Variants in NTF4 observed in about 807,000 individuals in gnomAD.
NTF4 encodes neurotrophin 4.
In NTF4, 2 loss-of-function variants were observed where a neutral mutation model predicts 4.4. The observed-to-expected ratio is 0.46, with a 90% confidence interval of 0.19 to 1.44. The LOEUF is 1.44. Among genes scored for constraint, NTF4 ranks in the 40% most tolerant of loss-of-function variants. The probability of loss-of-function intolerance (pLI) is 0.26; values close to 1 mark genes in which losing one functional copy is unlikely to be tolerated. For missense variants in NTF4, 260 were observed against 293.0 expected (o/e 0.89, Z 0.82); for synonymous variants, 127 against 122.0 (o/e 1.04, Z -0.27).
chr19:49,064,876 C>A (rs1430574397), upstream of NTF4: 1 of 152,294 alleles, frequency 6.6e-6, no homozygotes, highest in African/African-American at 2.4e-5. Context: ...GTCGGCCCCG[C>A]CCCCGTCCCT....
chr19:49,059,041 AAAG>A (rs1476672149), downstream of NTF4, among the ~76,000 whole-genome samples: 2 of 152,070 alleles, frequency 1.3e-5, no homozygotes, highest in African/African-American at 2.4e-5. Flanking sequence ...AGAGACACAG[AAAG>A]AAGGACAGAG....
At chr19:49,060,139 G>A (rs2040115801), downstream of NTF4, among the ~76,000 whole-genome samples, 1 of 141,978 alleles carries the variant, frequency 7.0e-6, no homozygotes, top group African/African-American at 2.6e-5. Context: ...TGCAGACAAG[G>A]AAAACTGAGG....
At chr19:49,060,758 T>C (rs1263085597), downstream of NTF4, 1 of 156,140 alleles carries the variant, frequency 6.4e-6, no homozygotes, top group Non-Finnish European at 1.4e-5. Context: ...AGCATCCTGA[T>C]CACTTCTCAT....
upstream of NTF4, among the ~76,000 whole-genome samples, chr19:49,063,088 T>C (rs1042313449): frequency 1.3e-5 from 2 of 150,172 alleles, no homozygotes; most frequent in African/African-American, 4.9e-5. Flanking sequence ...CTCACTGCAA[T>C]GTCTGCCTCC....
chr19:49,058,703 A>G (rs1214274535), downstream of NTF4: 3 of 222,852 alleles, frequency 1.3e-5, no homozygotes, highest in Non-Finnish European at 2.6e-5. Flanking sequence ...GGATTCAGGC[A>G]TCTCGGTTGC....
downstream of NTF4, chr19:49,058,558 C>G: frequency 2.0e-6 from 1 of 491,096 alleles, no homozygotes; most frequent in South Asian, 3.7e-5. Context: ...TTTCTCAGCC[C>G]CCATCTTTCT....
chr19:49,061,596 C>T lies in NTF4; in HGVS notation c.402G>A (p.Gln134=). 3 of 1,614,042 alleles carry T rather than the reference C, an allele frequency of 1.9e-6. No individual in the cohort carries two copies. The highest frequency in any genetic ancestry group is 1.3e-5 in the African/African-American group (1 of 75,076). ...CCTTGCAGCGGGTTTCAAAGAAGTA[C>T]TGGCGGAGGGGACTGCCGCCAGCTG... Residue 134 remains glutamine, a synonymous_variant, in exon 1 of 1, where the codon CAG becomes CAA. Coordinates refer to ENST00000593537, the Ensembl canonical transcript of NTF4. The surrounding 1 kb of genome is among the most constrained non-coding windows in gnomAD (Gnocchi z 4.9).
Position 49,061,453 on chromosome 19 carries a change from G to A in NTF4, c.545C>T (p.Ala182Val), listed in dbSNP as rs746418406. The A allele has an allele frequency of 2.5e-6, 4 of 1,614,084 alleles. No individual in the cohort carries two copies. The East Asian group carries it at 8.9e-5, about 36-fold the overall frequency. ...CCAGCCCACACGGCCCTGGGCATCA[G>A]CGGTCAATGCCCGCACATAGGACTG... Residue 182 changes from alanine to valine, a missense_variant, in exon 1 of 1, where the codon GCT becomes GTT. Coordinates refer to ENST00000593537, the Ensembl canonical transcript of NTF4. The surrounding 1 kb of genome is among the most constrained non-coding windows in gnomAD (Gnocchi z 4.9).
chr19:49,063,714 G>A (rs2040181300), upstream of NTF4: 1 of 152,220 alleles, frequency 6.6e-6, no homozygotes, highest in African/African-American at 2.4e-5. Flanking sequence ...GGAGAAGACT[G>A]GGAAACAGTC....
At chr19:49,062,444 C>T (rs1197454831), upstream of NTF4, among the ~76,000 whole-genome samples, 1 of 151,360 alleles carries the variant, frequency 6.6e-6, no homozygotes, top group African/African-American at 2.4e-5. Context: ...GCAGAGAGTG[C>T]ACCACTCCCC....
downstream of NTF4, among the ~76,000 whole-genome samples, chr19:49,060,036 C>CAAAAACAAAAA (rs2040113801): frequency 3.5e-5 from 1 of 28,418 alleles, no homozygotes; most frequent in African/African-American, 1.7e-4. Flanking sequence ...GACTCCATCT[C>CAAAAACAAAAA]AAAAAAAAAA....
In NTF4 at chr19:49,061,970, GGAGGGAGCATGAGGGGA is replaced by G; in HGVS notation, c.11_27del (p.Leu4ProfsTer14). On this transcript the variant is annotated frameshift_variant, in exon 1 of 1. Coordinates refer to ENST00000593537, the Ensembl canonical transcript of NTF4. LOFTEE classifies it low-confidence loss of function (END_TRUNC). The surrounding 1 kb of genome is among the most constrained non-coding windows in gnomAD (Gnocchi z 4.9). The stretch of plus-strand genomic sequence containing the variant: ...GGGAGGAGGAAAAGGAGGAGGATGG[GGAGGGAGCATGAGGGGA>G]GAGGGAGCATCTCTCGGAGCACCTG... The G allele has an allele frequency of 6.7e-7, 1 of 1,493,130 alleles. No individual in the cohort carries two copies. The highest frequency in any genetic ancestry group is 1.4e-5 in the African/African-American group (1 of 72,022). 92.5% of individuals were successfully genotyped at this position (1,493,130 alleles called of 1,614,324 possible). A position where few individuals can be genotyped will look rare whatever the true frequency, so the allele number is the denominator to read the frequency against.
At chr19:49,062,199 T>C (rs2040160607), upstream of NTF4, among the ~76,000 whole-genome samples, 1 of 152,118 alleles carries the variant, frequency 6.6e-6, no homozygotes, top group Admixed American at 6.5e-5. Context: ...AATATTCAAC[T>C]ACTACAGGCC....
upstream of NTF4, among the ~76,000 whole-genome samples, chr19:49,063,316 A>ATTT (rs1205338872): frequency 7.5e-6 from 1 of 132,850 alleles, no homozygotes. Flanking sequence ...CCCAAACAAA[A>ATTT]TTTTTTTTTT....
chr19:49,060,927 C>T, downstream of NTF4: 1 of 196,306 alleles, frequency 5.1e-6, no homozygotes. Flanking sequence ...TCAAGGTCCC[C>T]TGGCCATCTG....
downstream of NTF4, among the ~76,000 whole-genome samples, chr19:49,060,044 A>AAAAAAAC: frequency 8.0e-6 from 1 of 125,624 alleles, no homozygotes; most frequent in African/African-American, 2.8e-5. Flanking sequence ...CTCAAAAAAA[A>AAAAAAAC]AAAAAAAAAA....
chr19:49,063,475 G>A (rs970371259), upstream of NTF4, among the ~76,000 whole-genome samples: 2 of 152,014 alleles, frequency 1.3e-5, no homozygotes, highest in African/African-American at 4.8e-5. Flanking sequence ...AAGCCACCAC[G>A]CCTGGCCACA....
rs1247879731 is a variant in NTF4 at position 49,061,771 on chromosome 19, T to G, written c.227A>C (p.Asn76Thr). Residue 76 changes from asparagine to threonine, a missense_variant, in exon 1 of 1, where the codon AAC becomes ACC. Asn to Thr is a moderately conservative substitution (Grantham distance 65, BLOSUM62 0). Coordinates refer to ENST00000593537, the Ensembl canonical transcript of NTF4. This position sits in a 1 kb window ranked among gnomAD's most constrained non-coding sequence, Gnocchi z 4.9. ...TTCGCTCACCCCACGCCGGCTGCGG[T>G]TGGCCGGGGCACCTGCTGACTCCCG... 6.3e-7 allele frequency: 1 copy of G among 1,575,418 alleles called. No individual in the cohort carries two copies. The highest frequency in any genetic ancestry group is 1.1e-5 in the South Asian group (1 of 87,114).
At chr19:49,064,477 CCT>C (rs1397978185), upstream of NTF4, 1 of 161,750 alleles carries the variant, frequency 6.2e-6, no homozygotes, top group African/African-American at 2.4e-5. Flanking sequence ...CCAGCGCCCT[CCT>C]CTCTCAGACC....
Sources: allele counts gnomAD v4.1 joint callset (sites outside exome capture counted in the v4.1 genomes callset), GRCh38; gene constraint gnomAD v4.1.1; non-coding constraint Gnocchi (gnomAD v3.1); transcripts MANE v1.5; gene names NCBI Gene and HGNC (gene_info 2026-07-23, HGNC 2026-07-21).